NRXN1: variants seen among roughly 807,000 people sequenced by gnomAD.
NRXN1 encodes neurexin 1.
Under a neutral mutation model 150.9 loss-of-function variants are expected in NRXN1, and 39 were observed. The observed-to-expected ratio is 0.26, with a 90% CI of 0.20 to 0.34. NRXN1 has a LOEUF of 0.34. Among genes scored for constraint, NRXN1 ranks in the 10% least tolerant of loss-of-function variants. NRXN1 has a pLI of 1.00. For missense variants in NRXN1, 1,815 were observed against 1,949.9 expected (o/e 0.93, Z 1.30); for synonymous variants, 924 against 757.0 (o/e 1.22, Z -3.62).
chr2:50,306,107 T>G (rs2074587318), intron 17 of NRXN1, among the ~76,000 whole-genome samples: 1 of 152,164 alleles, frequency 6.6e-6, no homozygotes, highest in South Asian at 2.1e-4. Flanking sequence ...CCTTTAGACC[T>G]CTATCTTACA....
Position 50,893,832 on chromosome 2 carries a change from T to A in NRXN1, c.832+28037A>T, listed in dbSNP as rs539768279. Reference sequence around the variant, plus strand: ...CTTGACTCATTGTTCAATTTCCACCTATGAGTGAGAATATGCGGTGTTTGG... The same window carrying A: ...CTTGACTCATTGTTCAATTTCCACCAATGAGTGAGAATATGCGGTGTTTGG... On this transcript the variant is annotated intron_variant, in intron 5 of 22. Coordinates refer to ENST00000401669, the MANE Select transcript of NRXN1 (RefSeq NM_001330078.2). Among the ~76,000 whole-genome samples the A allele has an allele frequency of 1.6e-4, 24 of 152,306 alleles. No homozygotes were observed. The South Asian group carries it at 4.8e-3, about 30-fold the overall frequency.
chr2:50,010,528 C>T (rs1318749780), intron 21 of NRXN1, among the ~76,000 whole-genome samples: 2 of 152,080 alleles, frequency 1.3e-5, no homozygotes, highest in African/African-American at 2.4e-5. Context: ...CCTGCTAGCC[C>T]CTTCTTCTGA....
At chr2:50,406,414 T>C (rs541876219) in intron 17 of NRXN1, among the ~76,000 whole-genome samples, 29 of 152,298 alleles carry the variant, frequency 1.9e-4, no homozygotes, top group African/African-American at 5.3e-4. Flanking sequence ...ATTTTGATTG[T>C]CCTTTCCAAA....
chr2:50,709,891 T>C (rs1009894663), intron 5 of NRXN1, among the ~76,000 whole-genome samples: 11 of 152,160 alleles, frequency 7.2e-5, no homozygotes, highest in African/African-American at 2.7e-4. Flanking sequence ...AGAATTCAAT[T>C]AGAATGAAGG....
intron 17 of NRXN1, among the ~76,000 whole-genome samples, chr2:50,402,275 G>A (rs2082439270): frequency 6.6e-6 from 1 of 151,886 alleles, no homozygotes; most frequent in African/African-American, 2.4e-5. Context: ...ATGGATACAA[G>A]AGAAATCATT....
rs71657984 is a variant in NRXN1 at position 50,165,798 on chromosome 2, CAA to C, written c.3546+70989_3546+70990del. On this transcript the variant is annotated intron_variant, in intron 18 of 22. Coordinates refer to ENST00000401669, the MANE Select transcript of NRXN1 (RefSeq NM_001330078.2). The stretch of plus-strand genomic sequence containing the variant: ...ATGTCAAATGATTACACTATGCAAA[CAA>C]TGATATTATTACTTAACCTATATAT... 6.9e-3 allele frequency among the ~76,000 whole-genome samples: 1,048 copies of C among 152,270 alleles called. 8 individuals carry two copies. The highest frequency in any genetic ancestry group is 0.023 in the African/African-American group (951 of 41,532).
At chr2:50,243,328 GA>G (rs1452886223) in intron 17 of NRXN1, among the ~76,000 whole-genome samples, 2 of 151,428 alleles carry the variant, frequency 1.3e-5, no homozygotes, top group African/African-American at 4.8e-5. Flanking sequence ...AAATAAATTT[GA>G]AAAAAGAGAA....
intron 5 of NRXN1, among the ~76,000 whole-genome samples, chr2:50,669,164 CT>C (rs1229925757): frequency 1.3e-5 from 2 of 151,936 alleles, no homozygotes; most frequent in East Asian, 1.9e-4. Context: ...GATTTAAGCT[CT>C]GAGCATGTAG....
At chr2:50,318,679 A>C (rs1159644194) in intron 17 of NRXN1, among the ~76,000 whole-genome samples, 1 of 152,176 alleles carries the variant, frequency 6.6e-6, no homozygotes, top group African/African-American at 2.4e-5. Context: ...TAAAACTACT[A>C]TTATTCCATT....
rs114451417 is a variant in NRXN1, at chr2:51,006,080, T to A, written c.772+21422A>T. 5.9e-3 allele frequency among the ~76,000 whole-genome samples: 896 copies of A among 151,956 alleles called. 12 individuals are homozygous for A. The highest frequency in any genetic ancestry group is 0.02 in the African/African-American group (840 of 41,502). ...TTGGATTTCTCGGTATGATAGAAGC[T>A]AGCAATCTTCAAAACGTGTATAAAT... On this transcript the variant is annotated intron_variant, in intron 2 of 22. Coordinates refer to ENST00000401669, the MANE Select transcript of NRXN1 (RefSeq NM_001330078.2).
chr2:50,107,050 C>T (rs1486903851), intron 18 of NRXN1, among the ~76,000 whole-genome samples: 5 of 151,940 alleles, frequency 3.3e-5, no homozygotes, highest in African/African-American at 1.2e-4. Context: ...GCAGGCAATA[C>T]TTAAGTTCTC....
Position 50,922,790 on chromosome 2 carries a change from A to G in NRXN1, c.791-103T>C, listed in dbSNP as rs184395943. ...TTCAGTGACAGACATCTCTTTTCCT[A>G]TGAGACATGTCTGTATCACAGAGGC... On this transcript the variant is annotated intron_variant, in intron 3 of 22. Coordinates refer to ENST00000401669, the MANE Select transcript of NRXN1 (RefSeq NM_001330078.2). The G allele has an allele frequency of 6.7e-5, 76 of 1,128,610 alleles. 1 individual carries two copies. In the African/African-American group the frequency reaches 1.1e-3, roughly 16 times the overall value. 69.9% of individuals were successfully genotyped at this position (1,128,610 alleles called of 1,614,324 possible).
intron 10 of NRXN1, among the ~76,000 whole-genome samples, chr2:50,531,950 A>C (rs910192125): frequency 7.9e-5 from 12 of 152,036 alleles, no homozygotes; most frequent in African/African-American, 2.9e-4. Flanking sequence ...AGCTCAAGCA[A>C]TCTTTCCACC....
chr2:49,965,376 C>T (rs1041748992), intron 21 of NRXN1, among the ~76,000 whole-genome samples: 1 of 152,100 alleles, frequency 6.6e-6, no homozygotes, highest in Non-Finnish European at 1.5e-5. Context: ...AAACAATTAT[C>T]TTGCCTCAGC....
At chr2:51,013,874 C>T (rs1668272118) in intron 2 of NRXN1, among the ~76,000 whole-genome samples, 1 of 152,038 alleles carries the variant, frequency 6.6e-6, no homozygotes, top group Admixed American at 6.6e-5. Flanking sequence ...TTTCCTTAGT[C>T]CAAATTCTTT....
intron 19 of NRXN1, among the ~76,000 whole-genome samples, chr2:50,085,311 G>C (rs531112851): frequency 1.3e-5 from 2 of 152,006 alleles, no homozygotes; most frequent in African/African-American, 4.8e-5. Flanking sequence ...TGATTATTAC[G>C]TCTTTTGTTA....
intron 5 of NRXN1, among the ~76,000 whole-genome samples, chr2:50,697,772 T>C (rs1657939530): frequency 6.6e-6 from 1 of 152,226 alleles, no homozygotes; most frequent in African/African-American, 2.4e-5. Context: ...TAAAATAGGT[T>C]CTGCCCACAT....
At chr2:50,399,945 G>A (rs954406810) in intron 17 of NRXN1, among the ~76,000 whole-genome samples, 2 of 150,122 alleles carry the variant, frequency 1.3e-5, no homozygotes, top group African/African-American at 2.4e-5. Flanking sequence ...AAAGGATAAT[G>A]TTGCTTGATA....
At chr2:50,538,914 A>C (rs566490120) in intron 9 of NRXN1, among the ~76,000 whole-genome samples, 14 of 151,920 alleles carry the variant, frequency 9.2e-5, no homozygotes, top group African/African-American at 3.4e-4. Context: ...CAAACAGTTC[A>C]GTCAATGCAT....
Sources: allele counts gnomAD v4.1 joint callset (sites outside exome capture counted in the v4.1 genomes callset), GRCh38; gene constraint gnomAD v4.1.1; transcripts MANE v1.5; gene names NCBI Gene and HGNC (gene_info 2026-07-23, HGNC 2026-07-21).